UXS1: variants seen among roughly 807,000 people sequenced by gnomAD.
UXS1 encodes the protein UDP-glucuronic acid decarboxylase 1.
A neutral mutation model predicts 62.6 loss-of-function variants in UXS1; 33 were observed. That is an observed-to-expected ratio of 0.53 (90% CI 0.40 to 0.70). The LOEUF is 0.70. Ranked by LOEUF, UXS1 falls within the 30% of genes least tolerant of loss-of-function variation. The pLI, the probability that UXS1 is intolerant of heterozygous loss-of-function variation, is 0.00. For synonymous variants in UXS1, 213 were observed against 206.8 expected (o/e 1.03, Z -0.26); for missense variants, 434 against 556.3 (o/e 0.78, Z 2.21).
chr2:106,166,596 C>A (rs1413289711), intron 1 of UXS1: 2 of 154,100 alleles, frequency 1.3e-5, no homozygotes, highest in East Asian at 3.8e-4. Context: ...ATTTTGCAAA[C>A]CTCACATGGC....
intron 10 of UXS1, among the ~76,000 whole-genome samples, chr2:106,106,079 G>A (rs957980674): frequency 1.3e-5 from 2 of 152,120 alleles, no homozygotes; most frequent in African/African-American, 2.4e-5. Flanking sequence ...AAAAGCACAC[G>A]CATGGCCTGG....
At chr2:106,163,208 C>T (rs1300967675) in intron 4 of UXS1, among the ~76,000 whole-genome samples, 1 of 152,230 alleles carries the variant, frequency 6.6e-6, no homozygotes, top group African/African-American at 2.4e-5. Context: ...CTTCTGCCCT[C>T]TCACTTCACC....
chr2:106,126,218 C>G (rs560392955), intron 7 of UXS1, among the ~76,000 whole-genome samples: 192 of 152,270 alleles, frequency 1.3e-3, no homozygotes, highest in African/African-American at 4.4e-3. Context: ...TGCTCTGAAC[C>G]CCTTTCCTGG....
intron 9 of UXS1, among the ~76,000 whole-genome samples, chr2:106,116,129 A>G (rs1244974065): frequency 6.6e-6 from 1 of 152,186 alleles, no homozygotes; most frequent in East Asian, 1.9e-4. Context: ...GCAAGAGGTG[A>G]CCCAAGAGGA....
chr2:106,185,759 G>C (rs1684513140), intron 1 of UXS1, among the ~76,000 whole-genome samples: 1 of 152,176 alleles, frequency 6.6e-6, no homozygotes, highest in South Asian at 2.1e-4. Context: ...TAAATCTAGT[G>C]ACAAATGTTC....
At chr2:106,149,142 C>T (rs1159939365) in intron 5 of UXS1, among the ~76,000 whole-genome samples, 3 of 152,066 alleles carry the variant, frequency 2.0e-5, no homozygotes, top group African/African-American at 7.2e-5. Context: ...GACTCACATG[C>T]CAAATGCCTC....
chr2:106,185,012 T>C (rs1684472601), intron 1 of UXS1, among the ~76,000 whole-genome samples: 1 of 152,344 alleles, frequency 6.6e-6, no homozygotes, highest in South Asian at 2.1e-4. Flanking sequence ...CAAATTCTTA[T>C]GGAGGGCTTA....
chr2:106,176,814 C>G (rs550825812), intron 1 of UXS1, among the ~76,000 whole-genome samples: 3 of 152,228 alleles, frequency 2.0e-5, no homozygotes, highest in Non-Finnish European at 4.4e-5. Context: ...TCAGACCTCC[C>G]TGTGGTCCTC....
intron 4 of UXS1, chr2:106,160,508 A>G (rs972310506): frequency 6.6e-6 from 1 of 152,300 alleles, no homozygotes; most frequent in African/African-American, 2.4e-5. Context: ...ATATAGCTAC[A>G]TATGGGAAAA....
rs774923415 is a variant in UXS1, at chr2:106,112,803, T to G, written c.760-38A>C. The G allele has an allele frequency of 1.9e-5, 31 of 1,601,078 alleles. No individual in the cohort carries two copies. The Middle Eastern group carries it at 3.0e-3, about 154-fold the overall frequency. On this transcript the variant is annotated intron_variant, in intron 9 of 14. Transcript: ENST00000283148. ...GAAGAGGAGGTCAGGTGTGCTCCCC[T>G]GTGTGGTCCACGCATCCACTTTGCA...
At chr2:106,112,910 C>T in intron 9 of UXS1, 145 bp from the exon 10 acceptor site, 2 of 1,314,810 alleles carry the variant, frequency 1.5e-6, no homozygotes, top group Admixed American at 5.0e-5. Flanking sequence ...TGTTCTGATT[C>T]CATAATGTGC....
At chr2:106,118,845 G>C (rs528049382) in intron 9 of UXS1, among the ~76,000 whole-genome samples, 1 of 152,016 alleles carries the variant, frequency 6.6e-6, no homozygotes, top group Non-Finnish European at 1.5e-5. Flanking sequence ...TTCAGAGTAA[G>C]ACATATCCAC....
chr2:106,123,217 G>C, intron 8 of UXS1, 126 bp from the exon 9 acceptor site: 1 of 1,364,956 alleles, frequency 7.3e-7, no homozygotes, highest in South Asian at 1.4e-5. Context: ...ATGTATTAAA[G>C]AGGCAACCTC....
intron 8 of UXS1, 137 bp downstream of exon 8, chr2:106,125,483 G>A (rs967430751): frequency 3.4e-5 from 26 of 758,078 alleles, no homozygotes; most frequent in Non-Finnish European, 4.1e-5. Context: ...CCGGGAGGCC[G>A]ACAGGTAGCC....
intron 1 of UXS1, among the ~76,000 whole-genome samples, chr2:106,190,428 C>A (rs1385288926): frequency 2.0e-5 from 3 of 151,990 alleles, no homozygotes; most frequent in African/African-American, 7.3e-5. Context: ...ATGATAAATA[C>A]CAAAATAATC....
chr2:106,136,367 A>AATCTAGTTCTAGTT, intron 6 of UXS1, among the ~76,000 whole-genome samples: 1 of 149,222 alleles, frequency 6.7e-6, no homozygotes, highest in South Asian at 2.2e-4. Context: ...TTCCTCAGGG[A>AATCTAGTTCTAGTT]TCTAGAACTA....
At chr2:106,157,164 T>C (rs984628879) in intron 5 of UXS1, among the ~76,000 whole-genome samples, 6 of 152,120 alleles carry the variant, frequency 3.9e-5, no homozygotes, top group African/African-American at 1.4e-4. Context: ...GGCCTACAAT[T>C]GGATGTGGTA....
chr2:106,174,770 A>G (rs1043523090), intron 1 of UXS1, among the ~76,000 whole-genome samples: 7 of 152,050 alleles, frequency 4.6e-5, no homozygotes, highest in South Asian at 4.1e-4. Context: ...TTCTAATCAC[A>G]GCGTCATGGT....
At position 106,194,049 on chromosome 2, in the gene UXS1, C is replaced by T. The variant is rs1187255155; in HGVS notation, c.94+99G>A. 4 of 912,614 alleles carry T rather than the reference C, an allele frequency of 4.4e-6. No individual in the cohort carries two copies. The East Asian group carries it at 1.1e-4, about 26-fold the overall frequency. The allele number at this position is 912,614 out of a possible 1,614,324, so 56.5% of individuals were successfully genotyped here. ...GCCCGGGGCGGGGAGCAACGCGGGG[C>T]TGCAGGGCCGCCTCGGGGCCCCGAA... On this transcript the variant is annotated intron_variant, in intron 1 of 14. Coordinates refer to ENST00000283148, the MANE Select transcript of UXS1 (RefSeq NM_001253875.2).
Sources: gnomAD v4.1 joint callset for allele counts (sites outside exome capture counted in the v4.1 genomes callset) on GRCh38, gnomAD v4.1.1 for gene constraint, MANE v1.5 for transcripts, NCBI Gene and HGNC (gene_info 2026-07-23, HGNC 2026-07-21) for gene names.